The following TP53BP1 variants were observed in gnomAD, a reference collection of about 807,000 sequenced individuals.
The protein encoded by TP53BP1 is tumor protein p53 binding protein 1.
In TP53BP1, 61 loss-of-function variants were observed where a neutral mutation model predicts 200.8. The observed-to-expected ratio is 0.30, with a 90% CI of 0.25 to 0.38. The LOEUF is 0.38. TP53BP1 is among the 10% of genes least tolerant of loss of function. The pLI is 1.00. For missense variants in TP53BP1, 2,144 were observed against 2,371.9 expected, an observed-to-expected ratio of 0.90 and a Z score of 2.00; for synonymous variants, 822 against 844.3, an observed-to-expected ratio of 0.97 and a Z score of 0.46.
At chr15:43,420,094 T>C (rs2045360152) in intron 21 of TP53BP1, among the ~76,000 whole-genome samples, 1 of 152,154 alleles carries the variant, frequency 6.6e-6, no homozygotes, top group South Asian at 2.1e-4. Flanking sequence ...TTTCTGTAAA[T>C]CATCTAAAAT....
intron 8 of TP53BP1, 83 bp from the exon 9 acceptor site, chr15:43,475,777 A>ATCCATATTTCCAACATATT: frequency 2.0e-6 from 3 of 1,481,596 alleles, no homozygotes; most frequent in Non-Finnish European, 2.8e-6. Context: ...AAAGAGTAAT[A>ATCCATATTTCCAACATATT]TCCATATTTC....
At chr15:43,428,896 A>G (rs1469252230) in intron 17 of TP53BP1, among the ~76,000 whole-genome samples, 13 of 152,218 alleles carry the variant, frequency 8.5e-5, no homozygotes, top group Admixed American at 7.9e-4. Flanking sequence ...CTTTCATTCA[A>G]AAAACATTAA....
intron 12 of TP53BP1, among the ~76,000 whole-genome samples, chr15:43,452,462 CT>C (rs2046193733): frequency 6.6e-6 from 1 of 151,770 alleles, no homozygotes; most frequent in Admixed American, 6.6e-5. Context: ...GGGCGGGGGG[CT>C]GAAGTGGGAG....
chr15:43,408,246 C>T (rs1181634054), intron 26 of TP53BP1, 158 bp from the exon 27 acceptor site: 13 of 739,894 alleles, frequency 1.8e-5, no homozygotes, highest in African/African-American at 5.4e-5. Context: ...GGGAGGCTGT[C>T]GTGGTTGGAT....
chr15:43,473,968 G>T (rs2046788774), intron 10 of TP53BP1, among the ~76,000 whole-genome samples: 1 of 152,238 alleles, frequency 6.6e-6, no homozygotes, highest in Admixed American at 6.5e-5. Context: ...AGCCCACGGA[G>T]GGGGTGGAAG....
At chr15:43,495,680 G>A (rs974176558), upstream of TP53BP1, among the ~76,000 whole-genome samples, 7 of 151,686 alleles carry the variant, frequency 4.6e-5, no homozygotes, top group Non-Finnish European at 1.0e-4. Context: ...AGCCGGGTGC[G>A]CGGGCAGGCG....
chr15:43,503,192 T>G (rs568000431), intron 1 of TP53BP1, among the ~76,000 whole-genome samples: 1 of 152,260 alleles, frequency 6.6e-6, no homozygotes, highest in Non-Finnish European at 1.5e-5. Flanking sequence ...TAGCTATGAC[T>G]CCAATCAAAT....
At chr15:43,467,368 A>G (rs906957191) in intron 11 of TP53BP1, among the ~76,000 whole-genome samples, 2 of 152,016 alleles carry the variant, frequency 1.3e-5, no homozygotes, top group African/African-American at 4.8e-5. Flanking sequence ...CCGGCCTACT[A>G]AAGGTATTCT....
intron 3 of TP53BP1, 88 bp downstream of exon 3, chr15:43,491,914 G>C (rs913710852): frequency 6.7e-6 from 8 of 1,190,990 alleles, no homozygotes; most frequent in Middle Eastern, 1.9e-4. Context: ...ACATACATTC[G>C]ACACAACCAC....
At chr15:43,427,844 C>T (rs988294689) in intron 18 of TP53BP1, among the ~76,000 whole-genome samples, 172 bp downstream of exon 18, 9 of 151,734 alleles carry the variant, frequency 5.9e-5, no homozygotes, top group Admixed American at 5.3e-4. Context: ...GTAGAACCAA[C>T]TGCAAGGGAG....
chr15:43,425,669 A>T (rs2045511560), intron 18 of TP53BP1, among the ~76,000 whole-genome samples: 1 of 152,156 alleles, frequency 6.6e-6, no homozygotes, highest in Non-Finnish European at 1.5e-5. Context: ...AATGTGTTTA[A>T]CACTTAATGT....
At chr15:43,415,254 C>G in intron 23 of TP53BP1, 2 of 239,266 alleles carry the variant, frequency 8.4e-6, no homozygotes, top group Non-Finnish European at 8.1e-6. Flanking sequence ...GTTGCCCAGG[C>G]TGGAGTGCAA....
chr15:43,465,574 G>T (rs1413932765), intron 11 of TP53BP1, among the ~76,000 whole-genome samples: 1 of 151,706 alleles, frequency 6.6e-6, no homozygotes, highest in Non-Finnish European at 1.5e-5. Flanking sequence ...GAAAACAAAG[G>T]GGAAGAAATT....
chr15:43,430,961 G>A (rs1211177485), intron 17 of TP53BP1, among the ~76,000 whole-genome samples: 3 of 151,778 alleles, frequency 2.0e-5, no homozygotes, highest in Admixed American at 6.6e-5. Flanking sequence ...TCAGATTGCC[G>A]GCATCACTAC....
chr15:43,499,025 A>ACAAC (rs2079196100), intron 1 of TP53BP1, among the ~76,000 whole-genome samples: 2 of 151,822 alleles, frequency 1.3e-5, no homozygotes, highest in Non-Finnish European at 2.9e-5. Context: ...ACAACAAAAA[A>ACAAC]AAAAAAACAA....
chr15:43,414,287 T>C (rs1485780802), intron 23 of TP53BP1, among the ~76,000 whole-genome samples: 1 of 152,222 alleles, frequency 6.6e-6, no homozygotes, highest in East Asian at 1.9e-4. Flanking sequence ...GGAAAACTCC[T>C]TCTAGCACCT....
chr15:43,477,958 ACT>A (rs1158511153), intron 7 of TP53BP1, among the ~76,000 whole-genome samples, 199 bp from the exon 8 acceptor site: 1 of 151,908 alleles, frequency 6.6e-6, no homozygotes, highest in Non-Finnish European at 1.5e-5. Flanking sequence ...AACCTGTCTC[ACT>A]CTCTCTCACA....
chr15:43,420,161 A>G, intron 21 of TP53BP1, 144 bp downstream of exon 21: 2 of 786,562 alleles, frequency 2.5e-6, no homozygotes, highest in Non-Finnish European at 4.1e-6. Context: ...CAGTGGCAAG[A>G]GTAACCAATT....
chr15:43,508,792 A>T (rs1246888316), intron 1 of TP53BP1, among the ~76,000 whole-genome samples: 1 of 152,188 alleles, frequency 6.6e-6, no homozygotes. Flanking sequence ...AGCCTGCAAA[A>T]TACTCATCCA....
Sources: gnomAD v4.1 joint callset for allele counts (sites outside exome capture counted in the v4.1 genomes callset) on GRCh38, gnomAD v4.1.1 for gene constraint, MANE v1.5 for transcripts, NCBI Gene and HGNC (gene_info 2026-07-23, HGNC 2026-07-21) for gene names.